Variants in ANKFN1 observed in about 807,000 individuals in gnomAD.
The protein encoded by ANKFN1 is ankyrin repeat and fibronectin type-III domain-containing protein 1.
A neutral mutation model predicts 108.7 loss-of-function variants in ANKFN1; 74 were observed. That is an observed-to-expected ratio of 0.68 (90% confidence interval 0.56 to 0.83). ANKFN1 has a LOEUF of 0.83. Among genes scored for constraint, ANKFN1 ranks in the 40% least tolerant of loss-of-function variants. The probability of loss-of-function intolerance (pLI) is 0.00; values close to 1 mark genes in which losing one functional copy is unlikely to be tolerated. For missense variants in ANKFN1, 1,505 were observed against 1,382.3 expected, an observed-to-expected ratio of 1.09 and a Z score of -1.41; for synonymous variants, 547 against 516.2, an observed-to-expected ratio of 1.06 and a Z score of -0.81.
intron 4 of ANKFN1, among the ~76,000 whole-genome samples, chr17:56,110,063 T>A (rs1905870411): frequency 1.3e-5 from 2 of 152,216 alleles, no homozygotes; most frequent in South Asian, 2.1e-4. Context: ...AGAGTGCTCT[T>A]ATTAACCAAT....
chr17:56,153,373 G>A, upstream of ANKFN1: 1 of 1,090,380 alleles, frequency 9.2e-7, no homozygotes, highest in Non-Finnish European at 1.4e-6. Context: ...CCAAGCCGTG[G>A]GAGAGGCAGC....
intron 3 of ANKFN1, among the ~76,000 whole-genome samples, chr17:56,288,652 A>G (rs1408432017): frequency 6.6e-6 from 1 of 152,200 alleles, no homozygotes; most frequent in African/African-American, 2.4e-5. Context: ...AAGAGTCCAC[A>G]TAGACCAATA....
intron 4 of ANKFN1, among the ~76,000 whole-genome samples, chr17:56,095,503 T>C (rs942481810): frequency 7.0e-6 from 1 of 142,608 alleles, no homozygotes; most frequent in African/African-American, 2.5e-5. Flanking sequence ...GATCTTGCTA[T>C]TTTGCTCAGG....
intron 1 of ANKFN1, among the ~76,000 whole-genome samples, chr17:56,199,704 C>A (rs1203422896): frequency 6.6e-6 from 1 of 152,082 alleles, no homozygotes; most frequent in Non-Finnish European, 1.5e-5. Context: ...GGCAGGGTCG[C>A]CAGATAAAAT....
intron 8 of ANKFN1, among the ~76,000 whole-genome samples, chr17:56,384,723 C>A (rs1372384125): frequency 1.3e-5 from 2 of 152,042 alleles, no homozygotes; most frequent in Non-Finnish European, 2.9e-5. Flanking sequence ...TTCACAATTG[C>A]TTCAAAGAGA....
intron 3 of ANKFN1, among the ~76,000 whole-genome samples, chr17:56,293,798 G>A (rs1198282848): frequency 6.6e-6 from 1 of 152,186 alleles, no homozygotes; most frequent in Admixed American, 6.5e-5. Flanking sequence ...TAAGTATTAG[G>A]CCATTTGTTG....
chr17:56,182,811 G>A (rs1426423089), intron 1 of ANKFN1, among the ~76,000 whole-genome samples: 1 of 152,182 alleles, frequency 6.6e-6, no homozygotes, highest in East Asian at 1.9e-4. Context: ...CAAAGGACAG[G>A]CCAACTCTCT....
intron 1 of ANKFN1, among the ~76,000 whole-genome samples, chr17:56,189,406 G>A (rs1052767200): frequency 1.3e-5 from 2 of 150,932 alleles, no homozygotes; most frequent in South Asian, 2.1e-4. Context: ...TCCTGACCTC[G>A]TGATCCGCCC....
At chr17:56,072,623 T>G (rs1036279031) in intron 4 of ANKFN1, among the ~76,000 whole-genome samples, 1 of 152,238 alleles carries the variant, frequency 6.6e-6, no homozygotes, top group African/African-American at 2.4e-5. Flanking sequence ...ATGAAATATA[T>G]GTACTCTTGT....
chr17:56,193,325 C>T (rs1226256883), intron 1 of ANKFN1, among the ~76,000 whole-genome samples: 4 of 143,862 alleles, frequency 2.8e-5, no homozygotes, highest in African/African-American at 1.0e-4. Context: ...GTGGGTGCAG[C>T]GCACCAGCAT....
intron 7 of ANKFN1, 35 bp downstream of exon 7, chr17:56,372,875 G>A: frequency 6.3e-7 from 1 of 1,576,456 alleles, no homozygotes; most frequent in Non-Finnish European, 8.6e-7. Context: ...CATTTCACTA[G>A]ACTGAGCCTC....
In ANKFN1 at chr17:56,193,403, T is replaced by TA. The variant is rs201101296; in HGVS notation, c.-70-19184dup. Among the ~76,000 whole-genome samples the TA allele has an allele frequency of 6.4e-3, 908 of 141,158 alleles. 15 individuals carry two copies. Among genetic ancestry groups the TA allele is most frequent in the African/African-American group, 0.017 (635 of 38,270 alleles). 92.6% of individuals were successfully genotyped at this position (141,158 alleles called of 152,430 possible). ...TGTACCCTAAAACTTAAAGTATAAT[T>TA]AAAAAAAAAAATACAGCTAGTATAA... On this transcript the variant is annotated intron_variant, in intron 1 of 20. Transcript: ENST00000682825.
intron 4 of ANKFN1, among the ~76,000 whole-genome samples, chr17:56,107,859 T>C (rs937604799): frequency 6.6e-6 from 1 of 152,142 alleles, no homozygotes; most frequent in African/African-American, 2.4e-5. Flanking sequence ...TTAAATTATT[T>C]TTTAAATATT....
intron 3 of ANKFN1, among the ~76,000 whole-genome samples, chr17:56,235,640 C>T (rs751302680): frequency 1.8e-4 from 27 of 152,118 alleles, no homozygotes; most frequent in Non-Finnish European, 1.3e-4. Context: ...TTTTTGTCAG[C>T]TTTGTCAAAG....
intron 1 of ANKFN1, among the ~76,000 whole-genome samples, chr17:56,188,581 G>GTA (rs61556880): frequency 0.099 from 4,925 of 49,578 alleles, 337 homozygotes; most frequent in Middle Eastern, 0.16. Context: ...GTGTGTGTGT[G>GTA]TATATATATA....
chr17:56,153,522 C>G lies in ANKFN1; in HGVS notation c.-79C>G. 2 of 1,614,122 alleles carry G rather than the reference C, an allele frequency of 1.2e-6. No individual in the cohort carries two copies. The highest frequency in any genetic ancestry group is 2.7e-5 in the African/African-American group (2 of 75,056). ...TCCTGTGTCTCTCATGGAGGCGTCTCTAACCAGGGTAGGAAAACAATAGTT... is the reference window on the plus strand; with the variant it reads ...TCCTGTGTCTCTCATGGAGGCGTCTGTAACCAGGGTAGGAAAACAATAGTT... On this transcript the variant is annotated 5_prime_UTR_variant, in exon 1 of 21. Coordinates refer to ENST00000682825, the MANE Select transcript of ANKFN1 (RefSeq NM_001370326.1).
At chr17:56,106,981 A>T (rs1175664506) in intron 4 of ANKFN1, among the ~76,000 whole-genome samples, 1 of 152,210 alleles carries the variant, frequency 6.6e-6, no homozygotes, top group Non-Finnish European at 1.5e-5. Context: ...CCCCAAGAAC[A>T]TCATGGAAGC....
At chr17:56,060,999 G>T (rs1904963850) in intron 4 of ANKFN1, among the ~76,000 whole-genome samples, 1 of 152,164 alleles carries the variant, frequency 6.6e-6, no homozygotes, top group Non-Finnish European at 1.5e-5. Context: ...AATAGTTTCA[G>T]AAGGAATGGT....
intron 2 of ANKFN1, among the ~76,000 whole-genome samples, chr17:56,224,412 T>C (rs1916102351): frequency 6.6e-6 from 1 of 152,236 alleles, no homozygotes; most frequent in Non-Finnish European, 1.5e-5. Flanking sequence ...TCAACATTCA[T>C]AATCTTGAAC....
Sources: allele counts gnomAD v4.1 joint callset (sites outside exome capture counted in the v4.1 genomes callset), GRCh38; gene constraint gnomAD v4.1.1; transcripts MANE v1.5; gene names NCBI Gene and HGNC (gene_info 2026-07-23, HGNC 2026-07-21).